The following DET1 variants were observed in gnomAD, a reference collection of about 807,000 sequenced individuals.
DET1 encodes DET1 partner of COP1 E3 ubiquitin ligase.
In DET1, 22 loss-of-function variants were observed where a neutral mutation model predicts 43.7. That is an observed-to-expected ratio of 0.50 (90% CI 0.36 to 0.72). DET1 has a LOEUF of 0.72. DET1 is among the 30% of genes least tolerant of loss of function. The pLI, the probability that DET1 is intolerant of heterozygous loss-of-function variation, is 0.00. For missense variants in DET1, 713 were observed against 713.3 expected (o/e 1.00, Z 0.00); for synonymous variants, 315 against 266.2 (o/e 1.18, Z -1.79).
chr15:88,535,883 T>C (rs2056936693), intron 1 of DET1, among the ~76,000 whole-genome samples: 1 of 151,984 alleles, frequency 6.6e-6, no homozygotes, highest in African/African-American at 2.4e-5. Flanking sequence ...TTTCCCAAAT[T>C]TGGCTAAAGA....
intron 3 of DET1, among the ~76,000 whole-genome samples, chr15:88,517,359 G>A (rs2056374187): frequency 1.3e-5 from 2 of 151,714 alleles, no homozygotes; most frequent in South Asian, 4.2e-4. Flanking sequence ...CAGAGTAGGT[G>A]GGACTACAGG....
intron 3 of DET1, among the ~76,000 whole-genome samples, chr15:88,522,931 G>C (rs1367890827): frequency 6.7e-6 from 1 of 149,590 alleles, no homozygotes; most frequent in Non-Finnish European, 1.5e-5. Context: ...ACCTACTCTG[G>C]AATGCAGTAG....
At position 88,531,625 on chromosome 15, in the gene DET1, GATC is replaced by G; in HGVS notation, c.78_80del (p.Ile27del). 1 of 1,614,022 alleles carries G rather than the reference GATC, an allele frequency of 6.2e-7. No individual in the cohort carries two copies. Among genetic ancestry groups the G allele is most frequent in the Non-Finnish European group, 8.5e-7 (1 of 1,179,876 alleles). Reference sequence around the variant, plus strand: ...AGTGGGTACCTGCCTTGCCTGAACTGATCCGCCGGCGTTCCAAGCGGTGAATGA... The same window carrying G: ...AGTGGGTACCTGCCTTGCCTGAACTGCGCCGGCGTTCCAAGCGGTGAATGA... On this transcript the variant is annotated inframe_deletion, in exon 2 of 5. Coordinates refer to ENST00000268148, the MANE Select transcript of DET1 (RefSeq NM_001144074.3). This position sits in a 1 kb window ranked among gnomAD's most constrained non-coding sequence, Gnocchi z 6.2.
intron 1 of DET1, among the ~76,000 whole-genome samples, chr15:88,535,119 C>T (rs2056914276): frequency 6.6e-6 from 1 of 152,120 alleles, no homozygotes; most frequent in Non-Finnish European, 1.5e-5. Context: ...TCTTAAAGAT[C>T]CAGATAAGAA....
intron 1 of DET1, among the ~76,000 whole-genome samples, chr15:88,534,105 T>C (rs2056887284): frequency 2.0e-5 from 3 of 152,280 alleles, no homozygotes; most frequent in East Asian, 1.9e-4. Flanking sequence ...CGGTAAATGT[T>C]AGGCTATTTT....
intron 3 of DET1, among the ~76,000 whole-genome samples, chr15:88,523,807 C>T (rs1250546126): frequency 3.3e-5 from 5 of 152,308 alleles, no homozygotes; most frequent in East Asian, 1.9e-4. Context: ...ACCTCCCAGC[C>T]GCCTGCCTTG....
At chr15:88,529,452 G>A (rs1019071555) in intron 2 of DET1, among the ~76,000 whole-genome samples, 4 of 152,234 alleles carry the variant, frequency 2.6e-5, no homozygotes, top group African/African-American at 9.6e-5. Flanking sequence ...TGCTCAATGG[G>A]TGACTTCATC....
At chr15:88,532,572 A>C (rs926403959) in intron 1 of DET1, among the ~76,000 whole-genome samples, 2 of 152,242 alleles carry the variant, frequency 1.3e-5, no homozygotes, top group Non-Finnish European at 2.9e-5. Context: ...AACCACAGTA[A>C]TCAAAAAATT....
intron 1 of DET1, among the ~76,000 whole-genome samples, chr15:88,541,256 G>T (rs915684963): frequency 1.3e-5 from 2 of 151,036 alleles, no homozygotes; most frequent in African/African-American, 4.9e-5. Context: ...AAAGACCTTT[G>T]TTCACGTGTT....
rs767230693 is a variant in DET1, at chr15:88,527,786, C to T, written c.1084G>A (p.Ala362Thr). The T allele has an allele frequency of 1.3e-6, 2 of 1,580,566 alleles. No individual in the cohort carries two copies. Among genetic ancestry groups the T allele is most frequent in the Non-Finnish European group, 1.7e-6 (2 of 1,161,286 alleles). The change falls in exon 3 of 5, where the codon GCA becomes ACA. Residue 362 changes from alanine to threonine, a missense_variant and splice_region_variant. Coordinates refer to ENST00000268148, the MANE Select transcript of DET1 (RefSeq NM_001144074.3). ...VTLRVTDPSQ[A>T]SFFVVYNMVT... ...ATATTGTACACCACAAAGAAAGATG[C>T]CTGCAGAAGAAAAGAGAGAGAGGTA...
chr15:88,524,513 T>C (rs956888571), intron 3 of DET1, among the ~76,000 whole-genome samples: 2 of 152,190 alleles, frequency 1.3e-5, no homozygotes, highest in African/African-American at 2.4e-5. Flanking sequence ...TTTTGTCGAA[T>C]AGAAAAGGGG....
At chr15:88,518,102 C>G (rs2056395252) in intron 3 of DET1, among the ~76,000 whole-genome samples, 1 of 116,882 alleles carries the variant, frequency 8.6e-6, no homozygotes, top group Non-Finnish European at 1.7e-5. Context: ...CCACACCCAG[C>G]TAATTTTTTT....
chr15:88,506,738 C>T (rs1024296841), intron 7 of DET1, among the ~76,000 whole-genome samples: 5 of 152,170 alleles, frequency 3.3e-5, no homozygotes, highest in Non-Finnish European at 5.9e-5. Context: ...CTCATTTATA[C>T]TGTGCTTCTC....
intron 8 of DET1, chr15:88,502,461 G>A (rs1264222061): frequency 6.6e-6 from 1 of 152,082 alleles, no homozygotes; most frequent in Non-Finnish European, 1.5e-5. Flanking sequence ...ACAGTACTTG[G>A]AGACCAGATC....
chr15:88,527,544 G>T, intron 3 of DET1, 55 bp downstream of exon 3: 1 of 1,493,408 alleles, frequency 6.7e-7, no homozygotes, highest in Non-Finnish European at 9.0e-7. Flanking sequence ...ACAGCTATTG[G>T]CCTAACACCA....
In DET1 at chr15:88,530,895, C is replaced by T. The variant is rs758571988; in HGVS notation, c.811G>A (p.Val271Ile). 1.9e-6 allele frequency: 3 copies of T among 1,614,022 alleles called. No individual in the cohort carries two copies. Among genetic ancestry groups the T allele is most frequent in the South Asian group, 2.2e-5 (2 of 91,090 alleles). Residue 271 changes from valine (V) to isoleucine (I), a missense_variant, in exon 2 of 5, where the codon GTT becomes ATT. By Grantham distance (29) the Val-to-Ile change is conservative. Coordinates refer to ENST00000268148, the MANE Select transcript of DET1 (RefSeq NM_001144074.3). ...YEDDLLTVSA[V>I]FPEVQRDSQT... ...CTGTCCCGCTGTACCTCAGGGAAAA[C>T]AGCTGACACAGTGAGCAGGTCATCC... is the stretch of plus-strand genomic sequence containing the variant.
chr15:88,543,901 C>T (rs1042564426), intron 1 of DET1, among the ~76,000 whole-genome samples: 22 of 152,146 alleles, frequency 1.4e-4, no homozygotes, highest in African/African-American at 5.1e-4. Flanking sequence ...GTTCTAAACC[C>T]AGCCTAGGCC....
chr15:88,509,407 T>C (rs1413324400), downstream of DET1, among the ~76,000 whole-genome samples: 5 of 152,216 alleles, frequency 3.3e-5, no homozygotes, highest in Non-Finnish European at 7.3e-5. Flanking sequence ...AGTCTTACAA[T>C]GTTGAAAGGA....
At chr15:88,518,967 C>A (rs931579177) in intron 3 of DET1, among the ~76,000 whole-genome samples, 1 of 152,048 alleles carries the variant, frequency 6.6e-6, no homozygotes, top group Non-Finnish European at 1.5e-5. Context: ...AAATCTTGGG[C>A]CAAATAGAGC....
Sources: allele counts gnomAD v4.1 joint callset (sites outside exome capture counted in the v4.1 genomes callset), GRCh38; gene constraint gnomAD v4.1.1; non-coding constraint Gnocchi (gnomAD v3.1); transcripts MANE v1.5; gene names NCBI Gene and HGNC (gene_info 2026-07-23, HGNC 2026-07-21).